Variants in KCND3 observed in about 807,000 individuals in gnomAD.
KCND3 encodes potassium voltage-gated channel subfamily D member 3.
Under a neutral mutation model 51.1 loss-of-function variants are expected in KCND3, and 9 were observed. The ratio of observed to expected loss-of-function variants is 0.18; its 90% CI spans 0.11 to 0.31. The LOEUF (loss-of-function observed/expected upper bound fraction) is 0.31. Among genes scored for constraint, KCND3 ranks in the 10% least tolerant of loss-of-function variants. The pLI is 1.00. For synonymous variants in KCND3, 349 were observed against 368.0 expected (o/e 0.95, Z 0.59); for missense variants, 526 against 903.8 (o/e 0.58, Z 5.36).
chr1:111,908,793 C>A (rs1339705863), intron 2 of KCND3, among the ~76,000 whole-genome samples: 1 of 152,024 alleles, frequency 6.6e-6, no homozygotes, highest in Non-Finnish European at 1.5e-5. Flanking sequence ...ATTCCCTTCC[C>A]CAACTTTGTG....
chr1:111,888,571 A>T (rs1179953709), intron 2 of KCND3, among the ~76,000 whole-genome samples: 3 of 151,172 alleles, frequency 2.0e-5, no homozygotes, highest in Non-Finnish European at 4.4e-5. Context: ...AATCCCAGCT[A>T]CTCGGGAGGC....
chr1:111,820,030 C>G (rs1323401148), intron 2 of KCND3, among the ~76,000 whole-genome samples: 2 of 152,212 alleles, frequency 1.3e-5, no homozygotes, highest in African/African-American at 4.8e-5. Flanking sequence ...TGCGTCACTC[C>G]TTCCAAAAAA....
chr1:111,983,349 C>G (rs1236854798), intron 1 of KCND3, among the ~76,000 whole-genome samples: 2 of 152,150 alleles, frequency 1.3e-5, no homozygotes, highest in African/African-American at 4.8e-5. Flanking sequence ...AGAAAATTCT[C>G]TGAGATGGCA....
chr1:111,878,991 C>T (rs1669183400), intron 2 of KCND3, among the ~76,000 whole-genome samples: 1 of 152,194 alleles, frequency 6.6e-6, no homozygotes, highest in South Asian at 2.1e-4. Flanking sequence ...GACCCTCCTG[C>T]AAAGAAGAGA....
At chr1:111,789,840 T>G (rs1664756839) in intron 2 of KCND3, among the ~76,000 whole-genome samples, 1 of 152,202 alleles carries the variant, frequency 6.6e-6, no homozygotes, top group Admixed American at 6.5e-5. Flanking sequence ...CATCATGATT[T>G]TAACAAGATG....
Position 111,982,058 on chromosome 1 carries a change from C to A in KCND3, c.669G>T (p.Ser223=). 6.2e-7 allele frequency: 1 copy of A among 1,613,708 alleles called. No individual in the cohort carries two copies. ...CCGTGTCCAGGCAGAAGAAGGCCAC[C>A]GAGTAGCGCTCCCCGCACGGCAGCT... ...SKELPCGERY[S]VAFFCLDTAC... is the part of the protein sequence containing the mutation. The change falls in exon 2 of 8, where the codon TCG becomes TCT. Residue 223 remains serine, a synonymous_variant. Coordinates refer to ENST00000302127, the MANE Select transcript of KCND3 (RefSeq NM_001378969.1). The surrounding 1 kb of genome is among the most constrained non-coding windows in gnomAD (Gnocchi z 8.5).
intron 2 of KCND3, among the ~76,000 whole-genome samples, chr1:111,921,185 C>T (rs1671459697): frequency 6.6e-6 from 1 of 152,186 alleles, no homozygotes; most frequent in Admixed American, 6.5e-5. Context: ...TTCTTATTGT[C>T]TTCTTAACTC....
At chr1:111,862,220 T>C (rs896335659) in intron 2 of KCND3, among the ~76,000 whole-genome samples, 1 of 152,224 alleles carries the variant, frequency 6.6e-6, no homozygotes, top group Non-Finnish European at 1.5e-5. Flanking sequence ...GGCAAACTTT[T>C]TCCAAAAAGG....
intron 2 of KCND3, among the ~76,000 whole-genome samples, chr1:111,859,771 C>T (rs780861284): frequency 6.6e-6 from 1 of 152,150 alleles, no homozygotes; most frequent in Non-Finnish European, 1.5e-5. Context: ...AAATGAATAT[C>T]GATCAAGCTT....
Position 111,770,944 on chromosome 1 carries a change from A to G in KCND3, c.*5133T>C, listed in dbSNP as rs559454532. ...AAATAGAAAAGAACACACTTGATGT[A>G]TCTCACGATGACATTAATGGGGGGA... On this transcript the variant is annotated 3_prime_UTR_variant, in exon 8 of 8. Transcript: ENST00000302127. The G allele has an allele frequency of 1.5e-4, 23 of 152,320 alleles. No homozygotes were observed. The East Asian group carries it at 3.3e-3, about 22-fold the overall frequency. 9.4% of individuals were successfully genotyped at this position (152,320 alleles called of 1,614,324 possible). A position where few individuals can be genotyped will look rare whatever the true frequency, so the allele number is the denominator to read the frequency against.
At chr1:111,883,282 A>G (rs1378540039) in intron 2 of KCND3, among the ~76,000 whole-genome samples, 2 of 152,258 alleles carry the variant, frequency 1.3e-5, no homozygotes. Context: ...CTACAAATGA[A>G]GAAATGGAGG....
At chr1:111,914,522 A>G (rs1023165944) in intron 2 of KCND3, among the ~76,000 whole-genome samples, 2 of 152,220 alleles carry the variant, frequency 1.3e-5, no homozygotes, top group Non-Finnish European at 2.9e-5. Flanking sequence ...ATAAAATCTT[A>G]AAAGCAGCCA....
At chr1:111,867,204 C>A (rs930945540) in intron 2 of KCND3, among the ~76,000 whole-genome samples, 1 of 152,096 alleles carries the variant, frequency 6.6e-6, no homozygotes, top group African/African-American at 2.4e-5. Context: ...TAAGCTCTTG[C>A]CCGTCATTTT....
chr1:111,780,750 A>C lies in KCND3; in HGVS notation c.1311T>G (p.Ser437Arg), dbSNP rs1420759998. 2 of 1,613,482 alleles carry C rather than the reference A, an allele frequency of 1.2e-6. No homozygotes were observed. The highest frequency in any genetic ancestry group is 1.7e-5 in the Admixed American group (1 of 59,970). ...LARIRVAKTGSSNAYLHSKRN... is the reference protein window; with the variant it reads ...LARIRVAKTGRSNAYLHSKRN... Reference sequence around the variant, plus strand: ...GCTTGCTGTGCAGGTATGCATTCGAACTGCCTGTTTTGGCCACACGGATCC... The same window carrying C: ...GCTTGCTGTGCAGGTATGCATTCGACCTGCCTGTTTTGGCCACACGGATCC... Residue 437 changes from serine to arginine, a missense_variant, in exon 4 of 8, where the codon AGT becomes AGG. By Grantham distance (110) the Ser-to-Arg change is moderately radical (BLOSUM62 -1). Coordinates refer to ENST00000302127, the MANE Select transcript of KCND3 (RefSeq NM_001378969.1). This position sits in a 1 kb window ranked among gnomAD's most constrained non-coding sequence, Gnocchi z 4.2.
rs1443985857 is a variant in KCND3, at chr1:111,981,960, C to T, written c.767G>A (p.Arg256His). The change falls in exon 2 of 8, where the codon CGC becomes CAC. Residue 256 changes from arginine to histidine, a missense_variant. This residue lies in a region of KCND3 where 51 missense variants were observed against 84.7 expected (regional missense o/e 0.60). Coordinates refer to ENST00000302127, the MANE Select transcript of KCND3 (RefSeq NM_001378969.1). This position sits in a 1 kb window ranked among gnomAD's most constrained non-coding sequence, Gnocchi z 6.2. ...FAAPSRYRFIRSVMSIIDVVA... is the reference protein window; with the variant it reads ...FAAPSRYRFIHSVMSIIDVVA... ...CACGTCGATGATGCTCATGACGCTG[C>T]GGATGAAGCGGTAGCGGCTGGGAGC... 2 of 1,614,002 alleles carry T rather than the reference C, an allele frequency of 1.2e-6. No homozygotes were observed. Among genetic ancestry groups the T allele is most frequent in the South Asian group, 1.1e-5 (1 of 91,070 alleles).
intron 2 of KCND3, among the ~76,000 whole-genome samples, chr1:111,789,329 C>T (rs772916237): frequency 1.2e-4 from 18 of 152,188 alleles, no homozygotes; most frequent in Non-Finnish European, 1.6e-4. Context: ...CCTTCTCCAC[C>T]GGGAATAAGG....
chr1:111,805,899 G>C (rs902458098), intron 2 of KCND3, among the ~76,000 whole-genome samples: 3 of 152,212 alleles, frequency 2.0e-5, no homozygotes, highest in Non-Finnish European at 4.4e-5. Flanking sequence ...GCAGCTGCTG[G>C]GTTACTTTCT....
chr1:111,826,531 C>G (rs1233182202), intron 2 of KCND3, among the ~76,000 whole-genome samples: 2 of 152,204 alleles, frequency 1.3e-5, no homozygotes, highest in Middle Eastern at 3.2e-3. Context: ...CATGAACATA[C>G]AAAGACATGC....
At chr1:111,864,158 T>G (rs180689472) in intron 2 of KCND3, among the ~76,000 whole-genome samples, 3 of 152,066 alleles carry the variant, frequency 2.0e-5, no homozygotes, top group Middle Eastern at 3.4e-3. Flanking sequence ...GGTGGGCGTG[T>G]GGAAGGCAGG....
Sources: gnomAD v4.1 joint callset for allele counts (sites outside exome capture counted in the v4.1 genomes callset) on GRCh38, gnomAD v4.1.1 for gene constraint, gnomAD v4.1.1 regional missense constraint, Gnocchi (gnomAD v3.1) non-coding constraint, MANE v1.5 for transcripts, NCBI Gene and HGNC (gene_info 2026-07-23, HGNC 2026-07-21) for gene names.